SLC39A10: variants seen among roughly 807,000 people sequenced by gnomAD.
The protein encoded by SLC39A10 is solute carrier family 39 member 10, also known as zinc transporter ZIP10.
Under a neutral mutation model 65.1 loss-of-function variants are expected in SLC39A10, and 13 were observed. That is an observed-to-expected ratio of 0.20 (90% CI 0.13 to 0.32). SLC39A10 has a LOEUF of 0.32. Ranked by LOEUF, SLC39A10 falls within the 10% of genes least tolerant of loss-of-function variation. SLC39A10 has a pLI of 1.00. For missense variants in SLC39A10, 831 were observed against 1,018.4 expected, an observed-to-expected ratio of 0.82 and a Z score of 2.50; for synonymous variants, 321 against 342.2, an observed-to-expected ratio of 0.94 and a Z score of 0.68.
chr2:195,632,290 CTTTTTTT>C (rs202193660), intron 2 of SLC39A10, among the ~76,000 whole-genome samples: 1,353 of 69,152 alleles, frequency 0.02, 15 homozygotes, highest in East Asian at 0.056. Flanking sequence ...ATTCTACTTC[CTTTTTTT>C]TTTTTTTTTT....
intron 1 of SLC39A10, among the ~76,000 whole-genome samples, chr2:195,675,494 G>C (rs1459707903): frequency 6.6e-6 from 1 of 152,172 alleles, no homozygotes; most frequent in African/African-American, 2.4e-5. Flanking sequence ...GGAGTGCAGT[G>C]GCGTGATCTC....
At chr2:195,715,525 C>CAAAAA (rs545656309) in intron 6 of SLC39A10, among the ~76,000 whole-genome samples, 8 of 61,584 alleles carry the variant, frequency 1.3e-4, no homozygotes, top group Non-Finnish European at 2.1e-4. Flanking sequence ...GACTCTGTCT[C>CAAAAA]AAAAAAAAAA....
chr2:195,717,070 G>C, intron 7 of SLC39A10, 65 bp downstream of exon 7: 5 of 1,539,310 alleles, frequency 3.2e-6, no homozygotes, highest in Non-Finnish European at 4.4e-6. Flanking sequence ...GATTAAATTT[G>C]GCTGGAGCTT....
chr2:195,613,719 G>A (rs1374249843), intron 2 of SLC39A10, among the ~76,000 whole-genome samples: 1 of 152,116 alleles, frequency 6.6e-6, no homozygotes, highest in Non-Finnish European at 1.5e-5. Context: ...CCACAGAAGT[G>A]ATTTTATATA....
At chr2:195,633,480 G>A (rs1688634803) in intron 2 of SLC39A10, among the ~76,000 whole-genome samples, 1 of 152,224 alleles carries the variant, frequency 6.6e-6, no homozygotes, top group Admixed American at 6.5e-5. Context: ...GGCTCAGTGG[G>A]CCCTCTGCCT....
At chr2:195,708,351 A>C (rs1402779995) in intron 4 of SLC39A10, among the ~76,000 whole-genome samples, 2 of 152,204 alleles carry the variant, frequency 1.3e-5, no homozygotes, top group Non-Finnish European at 1.5e-5. Flanking sequence ...TGTTCACTTC[A>C]ATTTACAAAG....
chr2:195,638,191 C>T lies in SLC39A10; in HGVS notation c.-12+31958C>T, dbSNP rs78884763. ...ATAAATAAATAGAGACGGGACCTTGCTATGTTGTCCAGGCTGATCTCAAAC... is the reference window on the plus strand; with the variant it reads ...ATAAATAAATAGAGACGGGACCTTGTTATGTTGTCCAGGCTGATCTCAAAC... On this transcript the variant is annotated intron_variant, in intron 2 of 2. Transcript: ENST00000458054. Among the ~76,000 whole-genome samples, 1,505 of 152,204 alleles carry T rather than the reference C, an allele frequency of 9.9e-3. 27 individuals carry two copies. Among genetic ancestry groups the T allele is most frequent in the African/African-American group, 0.035 (1,453 of 41,504 alleles).
intron 5 of SLC39A10, among the ~76,000 whole-genome samples, chr2:195,710,670 A>G (rs966561931): frequency 6.6e-5 from 10 of 152,192 alleles, no homozygotes; most frequent in Non-Finnish European, 1.2e-4. Flanking sequence ...TTCAAATTGT[A>G]TATTTTAGTT....
At chr2:195,708,156 ATAAGTTGACC>A (rs1432888862) in intron 4 of SLC39A10, among the ~76,000 whole-genome samples, 15 of 152,190 alleles carry the variant, frequency 9.9e-5, no homozygotes, top group Non-Finnish European at 1.6e-4. Flanking sequence ...TCCCCCTGAC[ATAAGTTGACC>A]TGTGTAACAA....
At chr2:195,657,706 GC>G in intron 1 of SLC39A10, 1 of 885,128 alleles carries the variant, frequency 1.1e-6, no homozygotes, top group African/African-American at 1.8e-5. Flanking sequence ...GGATGGCGTC[GC>G]AGGCGCGGGC....
chr2:195,673,094 A>T (rs1245212133), intron 1 of SLC39A10, among the ~76,000 whole-genome samples: 1 of 152,232 alleles, frequency 6.6e-6, no homozygotes, highest in African/African-American at 2.4e-5. Context: ...AGGCTATTTT[A>T]AAAAATGCTT....
chr2:195,711,292 G>T (rs1398328755), intron 5 of SLC39A10, among the ~76,000 whole-genome samples: 2 of 151,982 alleles, frequency 1.3e-5, no homozygotes, highest in Non-Finnish European at 2.9e-5. Flanking sequence ...TTTATAATTT[G>T]ATCTTTTTAA....
At chr2:195,636,271 T>C (rs1574208898) in intron 2 of SLC39A10, among the ~76,000 whole-genome samples, 1 of 152,266 alleles carries the variant, frequency 6.6e-6, no homozygotes, top group Non-Finnish European at 1.5e-5. Flanking sequence ...GCCAGGCTTC[T>C]TGACATTTTT....
intron 1 of SLC39A10, chr2:195,671,589 A>G (rs1324204790): frequency 6.6e-6 from 1 of 152,204 alleles, no homozygotes; most frequent in Non-Finnish European, 1.5e-5. Context: ...TGTCCTATAA[A>G]TGTCAGTTTT....
At chr2:195,657,502 G>C in intron 1 of SLC39A10, 1 of 985,460 alleles carries the variant, frequency 1.0e-6, no homozygotes, top group Non-Finnish European at 1.2e-6. Flanking sequence ...AGTGTTGGGC[G>C]CCGCGGCTCC....
At chr2:195,633,153 A>G (rs1688623544) in intron 2 of SLC39A10, among the ~76,000 whole-genome samples, 1 of 152,216 alleles carries the variant, frequency 6.6e-6, no homozygotes, top group African/African-American at 2.4e-5. Context: ...TCTGAATCTC[A>G]CAGTGAAACA....
rs1692676286 is a variant in SLC39A10, at chr2:195,737,377, A to AATCAATC, written c.*2338_*2344dup. 1 of 150,804 alleles carries AATCAATC rather than the reference A, an allele frequency of 6.6e-6. No individual in the cohort carries two copies. Among genetic ancestry groups the AATCAATC allele is most frequent in the African/African-American group, 2.4e-5 (1 of 41,322 alleles). The allele number at this position is 150,804 out of a possible 1,614,324, so 9.3% of individuals were successfully genotyped here. A position where few individuals can be genotyped will look rare whatever the true frequency, so the allele number is the denominator to read the frequency against. ...GAATTTTGGTATATATCAATCAATC[A>AATCAATC]ATCAATCACATTGCATTCAATCAAT... On this transcript the variant is annotated 3_prime_UTR_variant, in exon 10 of 10. Coordinates refer to ENST00000359634, the MANE Select transcript of SLC39A10 (RefSeq NM_020342.3).
upstream of SLC39A10, chr2:195,656,747 A>C (rs1322851940): frequency 6.6e-6 from 1 of 152,248 alleles, no homozygotes; most frequent in East Asian, 1.9e-4. Flanking sequence ...TGAACATTCC[A>C]GTTGATCACT....
At chr2:195,624,264 G>T (rs1324745576) in intron 2 of SLC39A10, among the ~76,000 whole-genome samples, 1 of 151,668 alleles carries the variant, frequency 6.6e-6, no homozygotes, top group African/African-American at 2.4e-5. Flanking sequence ...GCGGGCGCCT[G>T]TAATCCCAGC....
Sources: gnomAD v4.1 joint callset for allele counts (sites outside exome capture counted in the v4.1 genomes callset) on GRCh38, gnomAD v4.1.1 for gene constraint, MANE v1.5 for transcripts, NCBI Gene and HGNC (gene_info 2026-07-23, HGNC 2026-07-21) for gene names.